The following PACRG variants were observed in gnomAD, a reference collection of about 807,000 sequenced individuals.
The protein encoded by PACRG is parkin coregulated gene protein.
In PACRG, 29 loss-of-function variants were observed where a neutral mutation model predicts 29.7. The observed-to-expected ratio is 0.98, with a 90% confidence interval of 0.73 to 1.33. The LOEUF is 1.33. Ranked by LOEUF, PACRG falls within the 40% of genes most tolerant of loss-of-function variation. The pLI, the probability that PACRG is intolerant of heterozygous loss-of-function variation, is 0.00. For missense variants in PACRG, 279 were observed against 316.2 expected (o/e 0.88, Z 0.89); for synonymous variants, 116 against 118.7 (o/e 0.98, Z 0.15).
At chr6:163,056,120 A>G (rs1289049833) in intron 2 of PACRG, among the ~76,000 whole-genome samples, 1 of 152,228 alleles carries the variant, frequency 6.6e-6, no homozygotes, top group Admixed American at 6.5e-5. Flanking sequence ...ACAAGTGTTG[A>G]CGAGAATGTG....
At chr6:162,922,247 C>T (rs577345273) in intron 2 of PACRG, among the ~76,000 whole-genome samples, 1 of 148,696 alleles carries the variant, frequency 6.7e-6, no homozygotes. Context: ...ATTTCCCCTC[C>T]GCCTTGCTCA....
At chr6:162,992,816 C>A (rs1256045708) in intron 2 of PACRG, among the ~76,000 whole-genome samples, 1 of 138,496 alleles carries the variant, frequency 7.2e-6, no homozygotes, top group East Asian at 2.1e-4. Context: ...TTTTCTAGTT[C>A]TTTTAATTGT....
At chr6:162,744,812 G>T (rs776260350) in intron 1 of PACRG, among the ~76,000 whole-genome samples, 23 of 152,102 alleles carry the variant, frequency 1.5e-4, no homozygotes, top group Middle Eastern at 3.4e-3. Context: ...TTGTGATTTT[G>T]ATCAGTAAGT....
chr6:162,755,197 T>C (rs1430722803), intron 1 of PACRG, among the ~76,000 whole-genome samples: 1 of 152,118 alleles, frequency 6.6e-6, no homozygotes, highest in Admixed American at 6.5e-5. Context: ...TTCTAATTCA[T>C]CTAACTAAGG....
intron 1 of PACRG, among the ~76,000 whole-genome samples, chr6:162,755,706 G>C (rs1781864335): frequency 6.6e-6 from 1 of 152,042 alleles, no homozygotes; most frequent in South Asian, 2.1e-4. Flanking sequence ...CAAAGTTCTG[G>C]GATTACAGGC....
At chr6:162,887,319 G>C (rs915026203) in intron 2 of PACRG, among the ~76,000 whole-genome samples, 2 of 152,194 alleles carry the variant, frequency 1.3e-5, no homozygotes, top group African/African-American at 4.8e-5. Flanking sequence ...CCAGGCTGAA[G>C]CAAGTTCCTC....
intron 2 of PACRG, among the ~76,000 whole-genome samples, chr6:162,873,109 T>C (rs1409034179): frequency 6.6e-6 from 1 of 152,214 alleles, no homozygotes; most frequent in Non-Finnish European, 1.5e-5. Context: ...CTAATATGTT[T>C]TTCCCTGGAA....
At chr6:163,034,320 G>A (rs1413344314) in intron 2 of PACRG, among the ~76,000 whole-genome samples, 1 of 152,206 alleles carries the variant, frequency 6.6e-6, no homozygotes, top group Non-Finnish European at 1.5e-5. Context: ...TTAGCAAAGA[G>A]CAAGGCAGAT....
chr6:163,217,814 C>T (rs1490316911), intron 4 of PACRG, among the ~76,000 whole-genome samples: 7 of 151,980 alleles, frequency 4.6e-5, no homozygotes. Flanking sequence ...CTGCCACTGT[C>T]TCCCATCACC....
chr6:162,926,427 A>G (rs977072585), intron 2 of PACRG, among the ~76,000 whole-genome samples: 2 of 152,168 alleles, frequency 1.3e-5, no homozygotes, highest in Non-Finnish European at 2.9e-5. Flanking sequence ...ATTAACCAAA[A>G]CAACATGGCA....
At chr6:162,732,054 C>G (rs1779811433) in intron 1 of PACRG, among the ~76,000 whole-genome samples, 1 of 152,158 alleles carries the variant, frequency 6.6e-6, no homozygotes. Flanking sequence ...AAAGTGGAAG[C>G]AGAGAGCTTC....
At chr6:163,132,532 C>T (rs1230181720) in intron 4 of PACRG, among the ~76,000 whole-genome samples, 2 of 152,150 alleles carry the variant, frequency 1.3e-5, no homozygotes, top group Non-Finnish European at 2.9e-5. Flanking sequence ...TGTGCGTGCC[C>T]TGTGGTTAAT....
intron 3 of PACRG, among the ~76,000 whole-genome samples, chr6:163,068,458 AT>A (rs1373351325): frequency 6.7e-6 from 1 of 149,616 alleles, no homozygotes; most frequent in African/African-American, 2.5e-5. Flanking sequence ...GTGATATGAA[AT>A]TTTATGTGGA....
intron 4 of PACRG, among the ~76,000 whole-genome samples, chr6:163,093,931 G>A (rs1010208959): frequency 1.3e-5 from 2 of 152,182 alleles, no homozygotes; most frequent in Non-Finnish European, 2.9e-5. Flanking sequence ...TTTGTACCAG[G>A]TCTTTGACCT....
intron 2 of PACRG, among the ~76,000 whole-genome samples, chr6:162,846,807 C>G (rs1790420218): frequency 6.6e-6 from 1 of 152,264 alleles, no homozygotes. Context: ...ATGCTCCCCA[C>G]TGTTGTCTGT....
chr6:163,103,297 C>A (rs547591205), intron 4 of PACRG, among the ~76,000 whole-genome samples: 1 of 152,276 alleles, frequency 6.6e-6, no homozygotes, highest in South Asian at 2.1e-4. Flanking sequence ...GGCTGGTTGG[C>A]AGCAGTGGGG....
At chr6:163,075,597 A>T (rs183537679) in intron 3 of PACRG, among the ~76,000 whole-genome samples, 2 of 152,348 alleles carry the variant, frequency 1.3e-5, no homozygotes, top group East Asian at 3.9e-4. Flanking sequence ...GACTGGCTTA[A>T]CACTAGAAAA....
At chr6:162,899,536 C>T (rs530011955) in intron 2 of PACRG, among the ~76,000 whole-genome samples, 25 of 152,268 alleles carry the variant, frequency 1.6e-4, no homozygotes, top group African/African-American at 6.0e-4. Flanking sequence ...GGTAGGCATT[C>T]GGGAAGCACC....
rs570171181 is a variant in PACRG, at chr6:163,109,091, A to G, written c.613+19683A>G. 2.0e-5 allele frequency among the ~76,000 whole-genome samples: 3 copies of G among 152,258 alleles called. No homozygotes were observed. The East Asian group carries it at 5.8e-4, about 29-fold the overall frequency. ...CTGCTCTTTTGCTTCTCATCATTTT[A>G]TTGGACAGGGTATAGCCCAGCTAGC... On this transcript the variant is annotated intron_variant, in intron 4 of 4. Transcript: ENST00000366888.
Sources: gnomAD v4.1 joint callset for allele counts (sites outside exome capture counted in the v4.1 genomes callset) on GRCh38, gnomAD v4.1.1 for gene constraint, MANE v1.5 for transcripts, NCBI Gene and HGNC (gene_info 2026-07-23, HGNC 2026-07-21) for gene names.